The following C4orf51 variants were observed in gnomAD, a reference collection of about 807,000 sequenced individuals.
C4orf51 encodes the protein uncharacterized protein C4orf51.
A neutral mutation model predicts 25.2 loss-of-function variants in C4orf51; 25 were observed. That is an observed-to-expected ratio of 0.99 (90% CI 0.72 to 1.39). C4orf51 has a LOEUF of 1.39. Among genes scored for constraint, C4orf51 ranks in the 40% most tolerant of loss-of-function variants. The pLI is 0.00. For synonymous variants in C4orf51, 100 were observed against 84.5 expected (o/e 1.18, Z -1.01); for missense variants, 252 against 239.6 (o/e 1.05, Z -0.34).
In C4orf51 at chr4:145,750,457, A is replaced by T. The variant is rs867751322; in HGVS notation, n.168-3750A>T. 1.5e-3 allele frequency among the ~76,000 whole-genome samples: 200 copies of T among 129,492 alleles called. 1 individual carries two copies. In the Middle Eastern group the frequency reaches 0.022, roughly 14 times the overall value. 85.0% of individuals were successfully genotyped at this position (129,492 alleles called of 152,430 possible). ...TTTCCTTTAGCTCTTTAAATATGTC[A>T]TGCCACTCTCTCTTGGGCTGTAAGG... is the stretch of plus-strand genomic sequence containing the variant. On this transcript the variant is annotated intron_variant and non_coding_transcript_variant, in intron 1 of 1. Transcript: ENST00000508981.
the C4orf51 span, among the ~76,000 whole-genome samples, chr4:145,777,706 A>G: frequency 6.6e-6 from 1 of 152,052 alleles, no homozygotes; most frequent in Non-Finnish European, 1.5e-5. Context: ...TTTTATGGCC[A>G]TTTCTTTCTA....
the C4orf51 span, among the ~76,000 whole-genome samples, chr4:145,787,305 A>G: frequency 6.6e-6 from 1 of 152,012 alleles, no homozygotes; most frequent in Non-Finnish European, 1.5e-5. Context: ...TCTACTAAAA[A>G]TACACAAATT....
chr4:145,730,690 C>T lies in C4orf51; in HGVS notation c.501+725C>T, dbSNP rs956367573. Among the ~76,000 whole-genome samples, 14 of 116,182 alleles carry T rather than the reference C, an allele frequency of 1.2e-4. No individual in the cohort carries two copies. The East Asian group carries it at 1.5e-3, about 12-fold the overall frequency. The allele number at this position is 116,182 out of a possible 152,430, so 76.2% of individuals were successfully genotyped here. ...TATTATACCATGGGTTTGATATGCT[C>T]GTTATGTGTGTTAAAAAAAAAACCC... On this transcript the variant is annotated intron_variant, in intron 5 of 5. Coordinates refer to ENST00000438731, the MANE Select transcript of C4orf51 (RefSeq NM_001080531.3).
chr4:145,699,243 TTGG>T (rs1384400538), intron 2 of C4orf51, among the ~76,000 whole-genome samples: 14 of 144,612 alleles, frequency 9.7e-5, no homozygotes, highest in African/African-American at 3.7e-4. Flanking sequence ...CAAAGCCTGT[TTGG>T]TGGTCTCTTC....
chr4:145,707,068 C>T (rs186022567), intron 2 of C4orf51, among the ~76,000 whole-genome samples: 3 of 152,254 alleles, frequency 2.0e-5, no homozygotes, highest in Admixed American at 1.3e-4. Context: ...CGGCCCACCT[C>T]GGCCTCCCAA....
At chr4:145,681,520 G>T (rs1728837228) in intron 1 of C4orf51, among the ~76,000 whole-genome samples, 1 of 152,128 alleles carries the variant, frequency 6.6e-6, no homozygotes, top group Admixed American at 6.6e-5. Context: ...TACTTTTTCT[G>T]TGATACTTGA....
intron 1 of C4orf51, chr4:145,764,611 A>T (rs974939808): frequency 9.1e-6 from 2 of 220,102 alleles, no homozygotes; most frequent in Non-Finnish European, 1.8e-5. Context: ...TCGGAAAAAC[A>T]GAGAAGGTGA....
At chr4:145,727,877 C>T (rs1213985747) in intron 3 of C4orf51, among the ~76,000 whole-genome samples, 6 of 109,406 alleles carry the variant, frequency 5.5e-5, no homozygotes, top group Admixed American at 3.5e-4. Flanking sequence ...AGTGAAACTC[C>T]ACCTACAAAA....
downstream of C4orf51, chr4:145,775,719 C>A: frequency 6.3e-7 from 1 of 1,579,790 alleles, no homozygotes; most frequent in Non-Finnish European, 8.7e-7. Context: ...ATGCCCACAG[C>A]AGACAGGTAG....
intron 2 of C4orf51, among the ~76,000 whole-genome samples, chr4:145,716,074 T>C (rs1731392870): frequency 6.6e-6 from 1 of 152,240 alleles, no homozygotes; most frequent in Non-Finnish European, 1.5e-5. Context: ...CTAATTGTTA[T>C]AGATAACCCC....
rs182629804 is a variant in C4orf51 at position 145,752,935 on chromosome 4, A to G, written n.168-1272A>G. 6.9e-4 allele frequency among the ~76,000 whole-genome samples: 104 copies of G among 149,794 alleles called. 2 individuals carry two copies. The East Asian group carries it at 0.015, about 22-fold the overall frequency. The stretch of plus-strand genomic sequence containing the variant: ...ACTGTAACAAGGCAGCACTGAGGTC[A>G]GTGCAGGGTCCCACAATCGCTGTGC... On this transcript the variant is annotated intron_variant and non_coding_transcript_variant, in intron 1 of 1. Coordinates refer to the C4orf51 transcript ENST00000508981.
chr4:145,727,998 A>AT (rs903887707), intron 3 of C4orf51, among the ~76,000 whole-genome samples: 17 of 132,584 alleles, frequency 1.3e-4, no homozygotes, highest in Non-Finnish European at 2.6e-4. Context: ...ATAATATATT[A>AT]TATATATAAT....
chr4:145,780,427 C>A, the C4orf51 span, among the ~76,000 whole-genome samples: 6 of 152,286 alleles, frequency 3.9e-5, no homozygotes, highest in African/African-American at 1.4e-4. Context: ...CAAGAATGAA[C>A]CAGAATTTCC....
the C4orf51 span, among the ~76,000 whole-genome samples, chr4:145,783,728 G>C: frequency 6.6e-6 from 1 of 152,206 alleles, no homozygotes; most frequent in African/African-American, 2.4e-5. Context: ...GATCACAGAA[G>C]AAATGGCTGG....
At chr4:145,722,511 A>T (rs1731794788) in intron 2 of C4orf51, among the ~76,000 whole-genome samples, 1 of 152,246 alleles carries the variant, frequency 6.6e-6, no homozygotes, top group African/African-American at 2.4e-5. Context: ...TATATAGACC[A>T]TTGAATGACT....
chr4:145,720,585 C>A (rs530299197), intron 2 of C4orf51, among the ~76,000 whole-genome samples: 2 of 152,312 alleles, frequency 1.3e-5, no homozygotes, highest in South Asian at 4.1e-4. Context: ...TCTTGCTCTT[C>A]CTCCACTCAT....
intron 2 of C4orf51, among the ~76,000 whole-genome samples, chr4:145,707,644 G>A (rs1401819649): frequency 3.9e-5 from 6 of 152,212 alleles, no homozygotes. Flanking sequence ...TTGCCCTAAA[G>A]AGGTGTTGGG....
At chr4:145,771,291 CTTTAT>C (rs555953846), downstream of C4orf51, among the ~76,000 whole-genome samples, 62 of 152,098 alleles carry the variant, frequency 4.1e-4, 1 homozygote, top group South Asian at 0.013. Context: ...TTCATTTGTG[CTTTAT>C]TTTATCACTT....
At chr4:145,700,001 A>G (rs2126700310) in intron 2 of C4orf51, among the ~76,000 whole-genome samples, 1 of 151,702 alleles carries the variant, frequency 6.6e-6, no homozygotes. Context: ...CTATGGGGCA[A>G]GAACCCCCAA....
Sources: allele counts gnomAD v4.1 joint callset (sites outside exome capture counted in the v4.1 genomes callset), GRCh38; gene constraint gnomAD v4.1.1; transcripts MANE v1.5; gene names NCBI Gene and HGNC (gene_info 2026-07-23, HGNC 2026-07-21).